Variants in STK39 observed in about 807,000 individuals in gnomAD.
STK39 encodes STE20/SPS1-related proline-alanine-rich protein kinase.
Under a neutral mutation model 77.8 loss-of-function variants are expected in STK39, and 20 were observed. That is an observed-to-expected ratio of 0.26 (90% CI 0.18 to 0.37). The LOEUF (loss-of-function observed/expected upper bound fraction) is 0.37, where lower values mean the gene tolerates loss of function less well. Ranked by LOEUF, STK39 falls within the 10% of genes least tolerant of loss-of-function variation. The pLI is 1.00. For missense variants in STK39, 479 were observed against 656.5 expected, an observed-to-expected ratio of 0.73 and a Z score of 2.95; for synonymous variants, 246 against 234.1, an observed-to-expected ratio of 1.05 and a Z score of -0.47.
intron 1 of STK39, among the ~76,000 whole-genome samples, chr2:168,201,073 T>C (rs915189067): frequency 9.9e-5 from 15 of 152,208 alleles, no homozygotes; most frequent in Non-Finnish European, 2.2e-4. Context: ...GACAGGACTT[T>C]AAAGGAAGTT....
At chr2:168,156,981 G>A (rs1688445083) in intron 5 of STK39, among the ~76,000 whole-genome samples, 1 of 152,136 alleles carries the variant, frequency 6.6e-6, no homozygotes, top group Non-Finnish European at 1.5e-5. Flanking sequence ...ACTTTATGAG[G>A]GCCAAAGGCC....
Position 168,138,085 on chromosome 2 carries a change from T to G in STK39, c.974+3A>C. On this transcript the variant is annotated splice_donor_region_variant and intron_variant, in intron 8 of 17. Transcript: ENST00000355999. ...ATTAACTCATCCACTAAGTTTCACT[T>G]ACCTTTTGGAAGGATCTTTCTGAAG... The G allele has an allele frequency of 6.2e-7, 1 of 1,613,288 alleles. No homozygotes were observed. Among genetic ancestry groups the G allele is most frequent in the South Asian group, 1.1e-5 (1 of 90,894 alleles).
chr2:168,144,274 T>C (rs568699067), intron 5 of STK39, among the ~76,000 whole-genome samples: 3 of 152,272 alleles, frequency 2.0e-5, no homozygotes, highest in Non-Finnish European at 2.9e-5. Flanking sequence ...CTGGGCCTTA[T>C]TGGGCTTCTT....
intron 1 of STK39, among the ~76,000 whole-genome samples, chr2:168,229,569 A>G (rs1306661258): frequency 6.6e-6 from 1 of 152,208 alleles, no homozygotes; most frequent in African/African-American, 2.4e-5. Flanking sequence ...TTCTTTTTGA[A>G]AAACTGTGAA....
chr2:167,965,742 A>G (rs1485882829), intron 16 of STK39, among the ~76,000 whole-genome samples: 1 of 152,172 alleles, frequency 6.6e-6, no homozygotes, highest in Non-Finnish European at 1.5e-5. Context: ...TAGGTATTGA[A>G]GTTACCTGAA....
intron 1 of STK39, among the ~76,000 whole-genome samples, chr2:168,236,730 G>C (rs946698214): frequency 1.6e-4 from 25 of 152,260 alleles, no homozygotes; most frequent in South Asian, 4.2e-4. Flanking sequence ...GCTTGTTTTT[G>C]TCAGGTTTGT....
chr2:168,165,613 G>C (rs889999379), intron 3 of STK39, among the ~76,000 whole-genome samples: 2 of 150,550 alleles, frequency 1.3e-5, no homozygotes, highest in Non-Finnish European at 3.0e-5. Context: ...ATTAAAAACT[G>C]AAGTAGGCAC....
intron 1 of STK39, among the ~76,000 whole-genome samples, chr2:168,195,272 T>C (rs1574545498): frequency 6.6e-6 from 1 of 152,260 alleles, no homozygotes; most frequent in South Asian, 2.1e-4. Context: ...TGGTGGCACA[T>C]ACCTGTAGTC....
intron 1 of STK39, among the ~76,000 whole-genome samples, chr2:168,240,585 G>A (rs1690733433): frequency 1.3e-5 from 2 of 152,222 alleles, no homozygotes; most frequent in South Asian, 4.1e-4. Flanking sequence ...GGAAAGTATA[G>A]GATGGCCAGC....
intron 2 of STK39, among the ~76,000 whole-genome samples, chr2:168,179,701 A>G (rs1005139424): frequency 6.6e-6 from 1 of 152,236 alleles, no homozygotes; most frequent in Non-Finnish European, 1.5e-5. Context: ...ACCAGTCCTT[A>G]GATAGACAGC....
chr2:168,164,800 T>C (rs1053526321), intron 3 of STK39, among the ~76,000 whole-genome samples: 6 of 152,228 alleles, frequency 3.9e-5, no homozygotes, highest in Admixed American at 1.3e-4. Context: ...TACAGATTAG[T>C]ATCCTTGGCA....
chr2:168,241,550 G>A (rs900979575), intron 1 of STK39, among the ~76,000 whole-genome samples: 1 of 152,196 alleles, frequency 6.6e-6, no homozygotes, highest in African/African-American at 2.4e-5. Context: ...GAGGTGCAAG[G>A]GGAAGCCAGA....
At chr2:168,069,272 ATAAG>A (rs1431259448) in intron 12 of STK39, among the ~76,000 whole-genome samples, 2 of 152,252 alleles carry the variant, frequency 1.3e-5, no homozygotes, top group Non-Finnish European at 1.5e-5. Flanking sequence ...GACAATAGCA[ATAAG>A]TAATATAAGG....
chr2:168,148,784 A>G (rs949392277), intron 5 of STK39, among the ~76,000 whole-genome samples: 1 of 152,192 alleles, frequency 6.6e-6, no homozygotes, highest in Admixed American at 6.5e-5. Context: ...TAAGTCTGCC[A>G]TCAATAATCC....
At chr2:168,018,101 G>T (rs927084651) in intron 14 of STK39, among the ~76,000 whole-genome samples, 55 of 152,132 alleles carry the variant, frequency 3.6e-4, no homozygotes, top group African/African-American at 1.3e-3. Context: ...TGATAATAAG[G>T]GGCAGTGAGC....
chr2:168,030,365 A>T (rs946069960), intron 14 of STK39, among the ~76,000 whole-genome samples: 168 of 152,316 alleles, frequency 1.1e-3, no homozygotes, highest in African/African-American at 3.9e-3. Flanking sequence ...ACCAGCATAA[A>T]TCACAAAAAA....
At chr2:168,117,909 G>A (rs182208929) in intron 10 of STK39, among the ~76,000 whole-genome samples, 1 of 152,092 alleles carries the variant, frequency 6.6e-6, no homozygotes. Flanking sequence ...TTTTCAATCA[G>A]GGAGAAAAGA....
intron 3 of STK39, among the ~76,000 whole-genome samples, chr2:168,165,083 T>A (rs986910191): frequency 6.6e-6 from 1 of 152,206 alleles, no homozygotes; most frequent in African/African-American, 2.4e-5. Context: ...AACCTCTGTT[T>A]ATTTGTTGAC....
intron 16 of STK39, among the ~76,000 whole-genome samples, chr2:168,000,159 CAG>C (rs1403372715): frequency 6.6e-6 from 1 of 152,198 alleles, no homozygotes; most frequent in Non-Finnish European, 1.5e-5. Flanking sequence ...ATGGATATTT[CAG>C]ATTATGCCTA....
Sources: allele counts gnomAD v4.1 joint callset (sites outside exome capture counted in the v4.1 genomes callset), GRCh38; gene constraint gnomAD v4.1.1; transcripts MANE v1.5; gene names NCBI Gene and HGNC (gene_info 2026-07-23, HGNC 2026-07-21).